The following AR variants were observed in gnomAD, a reference collection of about 807,000 sequenced individuals.
AR encodes androgen receptor.
In AR, 8 loss-of-function variants were observed where a neutral mutation model predicts 53.9. That is an observed-to-expected ratio of 0.15 (90% CI 0.09 to 0.27). The LOEUF is 0.27. Ranked by LOEUF, AR falls within the 10% of genes least tolerant of loss-of-function variation. AR has a pLI of 1.00. For synonymous variants in AR, 359 were observed against 316.4 expected (o/e 1.13, Z -1.43); for missense variants, 639 against 742.5 (o/e 0.86, Z 1.62).
At chrX:67,677,615 G>A (rs970266341) in intron 2 of AR, among the ~76,000 whole-genome samples, 2 of 111,957 alleles carry the variant, frequency 1.8e-5, no homozygotes, top group African/African-American at 6.5e-5. Context: ...GGAATGGTCT[G>A]TGTCTTCTGA....
At chrX:67,704,933 T>C (rs1456681422) in intron 3 of AR, among the ~76,000 whole-genome samples, 1 of 112,019 alleles carries the variant, frequency 8.9e-6, no homozygotes, top group Non-Finnish European at 1.9e-5. Flanking sequence ...TTTTGTCAGG[T>C]TTGTCAAAGA....
intron 1 of AR, among the ~76,000 whole-genome samples, chrX:67,601,940 A>C (rs1252826297): frequency 9.0e-6 from 1 of 111,715 alleles, no homozygotes; most frequent in East Asian, 2.8e-4. Context: ...TGGTGAACCT[A>C]ATTAGGCCCC....
chrX:67,666,161 C>T (rs1484777975), intron 2 of AR, among the ~76,000 whole-genome samples: 1 of 111,084 alleles, frequency 9.0e-6, no homozygotes, highest in Non-Finnish European at 1.9e-5. Context: ...AGATCTTATT[C>T]ATTCTAACTA....
At chrX:67,646,243 T>C (rs1007936724) in intron 2 of AR, among the ~76,000 whole-genome samples, 5 of 111,251 alleles carry the variant, frequency 4.5e-5, no homozygotes, top group African/African-American at 1.6e-4. Context: ...ACAGAGTCAG[T>C]TGTAATCTGG....
chrX:67,718,710 T>G (rs1215806357), intron 5 of AR, among the ~76,000 whole-genome samples: 1 of 110,878 alleles, frequency 9.0e-6, no homozygotes, highest in African/African-American at 3.3e-5. Flanking sequence ...CTCAGCCCAG[T>G]GCAACCTCCA....
intron 1 of AR, among the ~76,000 whole-genome samples, chrX:67,573,900 T>C (rs1442863598): frequency 2.7e-5 from 3 of 112,206 alleles, no homozygotes; most frequent in African/African-American, 9.7e-5. Flanking sequence ...GCATAACTAC[T>C]AAAAAATAGT....
At chrX:67,662,107 G>A (rs1203482739) in intron 2 of AR, among the ~76,000 whole-genome samples, 2 of 110,832 alleles carry the variant, frequency 1.8e-5, no homozygotes, top group African/African-American at 3.3e-5. Flanking sequence ...TCTTGCTAGT[G>A]GTCTATCAAT....
chrX:67,631,231 G>C (rs927517183), intron 1 of AR, among the ~76,000 whole-genome samples: 12 of 111,648 alleles, frequency 1.1e-4, no homozygotes, highest in Non-Finnish European at 2.3e-4. Context: ...ATCCTGCAGA[G>C]TGTTTTCCAA....
In AR at chrX:67,634,744, T is replaced by C. The variant is rs1285228513; in HGVS notation, c.1617-8512T>C. 5.4e-5 allele frequency among the ~76,000 whole-genome samples: 6 copies of C among 111,744 alleles called. 1 individual carries two copies. In the Admixed American group the frequency reaches 5.7e-4, roughly 11 times the overall value. On this transcript the variant is annotated intron_variant, in intron 1 of 7. Coordinates refer to ENST00000374690, the MANE Select transcript of AR (RefSeq NM_000044.6). ...ACCAACTTCTCCACCAAAATATTCCTTGTAACCACAAATAAGTAAGCACAA... is the reference window on the plus strand; with the variant it reads ...ACCAACTTCTCCACCAAAATATTCCCTGTAACCACAAATAAGTAAGCACAA...
intron 3 of AR, among the ~76,000 whole-genome samples, chrX:67,710,323 A>G (rs1290166487): frequency 9.0e-6 from 1 of 110,796 alleles, no homozygotes. Context: ...CTTAGCTTTT[A>G]TTTTTATTTT....
chrX:67,636,035 G>A (rs1481421662), intron 1 of AR, among the ~76,000 whole-genome samples: 6 of 111,145 alleles, frequency 5.4e-5, no homozygotes, highest in African/African-American at 2.0e-4. Flanking sequence ...TAATTTATAT[G>A]TCATAACAAT....
In AR at chrX:67,545,739, A is replaced by T. The variant is rs779587405; in HGVS notation, c.593A>T (p.Gln198Leu). The T allele has an allele frequency of 9.9e-6, 12 of 1,211,193 alleles. No individual in the cohort carries two copies. Among genetic ancestry groups the T allele is most frequent in the Non-Finnish European group, 1.1e-6 (1 of 895,018 alleles). Residue 198 changes from glutamine (Q) to leucine (L), a missense_variant, in exon 1 of 8, where the codon CAG becomes CTG. Coordinates refer to ENST00000374690, the MANE Select transcript of AR (RefSeq NM_000044.6). ...ACCATGCAACTCCTTCAGCAACAGC[A>T]GCAGGAAGCAGTATCCGAAGGCAGC... Reference protein sequence around the residue: ...ASTMQLLQQQQQEAVSEGSSS... With the variant: ...ASTMQLLQQQLQEAVSEGSSS...
At chrX:67,660,482 A>G (rs1322576923) in intron 2 of AR, among the ~76,000 whole-genome samples, 2 of 111,611 alleles carry the variant, frequency 1.8e-5, no homozygotes, top group Admixed American at 9.5e-5. Flanking sequence ...TCCTTTCCCC[A>G]TTTCTTGTTT....
At chrX:67,634,771 A>G (rs1925342629) in intron 1 of AR, among the ~76,000 whole-genome samples, 1 of 111,730 alleles carries the variant, frequency 9.0e-6, no homozygotes, top group Non-Finnish European at 1.9e-5. Flanking sequence ...TAAGCACAAT[A>G]GATCTATAAG....
At chrX:67,674,481 G>A (rs1409302144) in intron 2 of AR, among the ~76,000 whole-genome samples, 1 of 110,921 alleles carries the variant, frequency 9.0e-6, no homozygotes, top group Non-Finnish European at 1.9e-5. Flanking sequence ...AAGGCCTCGA[G>A]CTGTGACTGA....
At chrX:67,612,621 T>G (rs747976614) in intron 1 of AR, among the ~76,000 whole-genome samples, 2 of 112,294 alleles carry the variant, frequency 1.8e-5, no homozygotes, top group Non-Finnish European at 3.8e-5. Context: ...AGGCATGACT[T>G]CTGGAATGGC....
At chrX:67,553,210 C>T (rs1368812704) in intron 1 of AR, among the ~76,000 whole-genome samples, 2 of 111,863 alleles carry the variant, frequency 1.8e-5, no homozygotes, top group African/African-American at 3.2e-5. Flanking sequence ...ACATTTAGGT[C>T]TTTCATCAGT....
At chrX:67,622,910 G>C (rs1261694800) in intron 1 of AR, among the ~76,000 whole-genome samples, 1 of 111,450 alleles carries the variant, frequency 9.0e-6, no homozygotes, top group Admixed American at 9.6e-5. Flanking sequence ...GGCCATGAAA[G>C]CTCCTTGAGG....
intron 1 of AR, among the ~76,000 whole-genome samples, chrX:67,594,829 G>A (rs1444698037): frequency 9.0e-6 from 1 of 111,299 alleles, no homozygotes; most frequent in Non-Finnish European, 1.9e-5. Context: ...CGCACCTGTA[G>A]TCCCAGCTAC....
Sources: gnomAD v4.1 joint callset for allele counts (sites outside exome capture counted in the v4.1 genomes callset) on GRCh38, gnomAD v4.1.1 for gene constraint, MANE v1.5 for transcripts, NCBI Gene and HGNC (gene_info 2026-07-23, HGNC 2026-07-21) for gene names.